Variants in CCDC93 observed in about 807,000 individuals in gnomAD.
CCDC93 encodes the protein coiled-coil domain-containing protein 93.
CCDC93 carries 61 observed loss-of-function variants against 108.2 expected under a neutral mutation model. That is an observed-to-expected ratio of 0.56 (90% CI 0.46 to 0.70). CCDC93 has a LOEUF of 0.70. Ranked by LOEUF, CCDC93 falls within the 30% of genes least tolerant of loss-of-function variation. The pLI, the probability that CCDC93 is intolerant of heterozygous loss-of-function variation, is 0.00. For synonymous variants in CCDC93, 276 were observed against 260.4 expected (o/e 1.06, Z -0.58); for missense variants, 685 against 764.2 (o/e 0.90, Z 1.22).
At chr2:117,985,543 G>C in intron 7 of CCDC93, 1 of 119,138 alleles carries the variant, frequency 8.4e-6, no homozygotes, top group South Asian at 4.2e-4. Context: ...TTTTAAACTA[G>C]AGATGTTTTT....
At chr2:118,013,059 A>G (rs1305681595) in intron 1 of CCDC93, 2 of 152,266 alleles carry the variant, frequency 1.3e-5, no homozygotes, top group Non-Finnish European at 2.9e-5. Context: ...TCCAGAATCC[A>G]GTAAACTAGA....
intron 13 of CCDC93, among the ~76,000 whole-genome samples, chr2:117,952,036 A>G (rs1264240993): frequency 6.6e-6 from 1 of 152,096 alleles, no homozygotes; most frequent in African/African-American, 2.4e-5. Context: ...TTTGAGGGGC[A>G]GGAGCTATTT....
chr2:117,945,237 C>G (rs1678829967), intron 17 of CCDC93, among the ~76,000 whole-genome samples: 1 of 152,328 alleles, frequency 6.6e-6, no homozygotes, highest in South Asian at 2.1e-4. Context: ...GCATATGCGG[C>G]CAACGCAGGC....
rs1408650647 is a variant in CCDC93, at chr2:117,919,535, G to A, written c.*808C>T. On this transcript the variant is annotated 3_prime_UTR_variant, in exon 24 of 24. Coordinates refer to ENST00000376300, the MANE Select transcript of CCDC93 (RefSeq NM_019044.5). ...TCTGCAGCGTAGCCTCATCAAATGTGCCTTCAATGAGGGGGATGCACAGCC... is the reference window on the plus strand; with the variant it reads ...TCTGCAGCGTAGCCTCATCAAATGTACCTTCAATGAGGGGGATGCACAGCC... 6.6e-6 allele frequency: 1 copy of A among 152,174 alleles called. No homozygotes were observed. The highest frequency in any genetic ancestry group is 2.4e-5 in the African/African-American group (1 of 41,440). The allele number at this position is 152,174 out of a possible 1,614,324, so 9.4% of individuals were successfully genotyped here. A position where few individuals can be genotyped will look rare whatever the true frequency, so the allele number is the denominator to read the frequency against.
chr2:117,938,677 G>C (rs1678600975), intron 20 of CCDC93, among the ~76,000 whole-genome samples: 1 of 151,800 alleles, frequency 6.6e-6, no homozygotes, highest in Non-Finnish European at 1.5e-5. Context: ...TTTTCTCCCT[G>C]TAAACTATAA....
intron 11 of CCDC93, among the ~76,000 whole-genome samples, chr2:117,962,985 C>T (rs1010878463): frequency 1.3e-5 from 2 of 152,090 alleles, no homozygotes; most frequent in African/African-American, 4.8e-5. Flanking sequence ...TACTTTGGGG[C>T]AAAAAACCCA....
At chr2:117,936,647 A>C in intron 21 of CCDC93, 55 bp downstream of exon 21, 2 of 1,386,222 alleles carry the variant, frequency 1.4e-6, no homozygotes, top group Non-Finnish European at 1.0e-6. Context: ...GGTGGGCTGA[A>C]TTCAAAGCGC....
intron 20 of CCDC93, 114 bp from the exon 21 acceptor site, chr2:117,936,853 C>A: frequency 2.5e-6 from 2 of 806,948 alleles, no homozygotes; most frequent in South Asian, 2.8e-5. Context: ...GGAACACATG[C>A]CTTGTTTATG....
intron 11 of CCDC93, among the ~76,000 whole-genome samples, chr2:117,973,331 C>T (rs1679826528): frequency 6.6e-6 from 1 of 151,768 alleles, no homozygotes; most frequent in African/African-American, 2.4e-5. Context: ...CACATCTCAG[C>T]CACACCAGAA....
intron 6 of CCDC93, among the ~76,000 whole-genome samples, chr2:117,986,333 G>C (rs887197616): frequency 1.3e-5 from 2 of 152,128 alleles, no homozygotes; most frequent in African/African-American, 4.8e-5. Flanking sequence ...CATGTAGTAA[G>C]TGATCAATAA....
At chr2:117,925,762 G>A (rs1220265818) in intron 23 of CCDC93, among the ~76,000 whole-genome samples, 6 of 152,146 alleles carry the variant, frequency 3.9e-5, no homozygotes, top group African/African-American at 1.2e-4. Flanking sequence ...TCTGCACCAA[G>A]CAGACCTAAT....
At chr2:117,943,718 T>A (rs1678777467) in intron 18 of CCDC93, among the ~76,000 whole-genome samples, 2 of 152,236 alleles carry the variant, frequency 1.3e-5, no homozygotes, top group Admixed American at 1.3e-4. Context: ...TCTCACAAAC[T>A]GCCGGTTATC....
chr2:117,963,779 T>C (rs1271962858), intron 11 of CCDC93, among the ~76,000 whole-genome samples: 2 of 152,222 alleles, frequency 1.3e-5, no homozygotes, highest in African/African-American at 4.8e-5. Context: ...TTGGTACAAC[T>C]CACTTTTCTG....
intron 22 of CCDC93, among the ~76,000 whole-genome samples, chr2:117,932,624 G>A (rs1285480476): frequency 6.6e-6 from 1 of 152,178 alleles, no homozygotes; most frequent in African/African-American, 2.4e-5. Flanking sequence ...CCTCCCTTGT[G>A]CCTAGGTCTC....
chr2:118,002,407 G>A (rs1416125944), intron 3 of CCDC93, among the ~76,000 whole-genome samples: 1 of 152,156 alleles, frequency 6.6e-6, no homozygotes, highest in East Asian at 1.9e-4. Flanking sequence ...GGTGACCTAG[G>A]AACTAAAGTT....
At chr2:117,946,630 AC>A (rs755384132) in intron 16 of CCDC93, among the ~76,000 whole-genome samples, 180 bp downstream of exon 16, 2 of 152,112 alleles carry the variant, frequency 1.3e-5, no homozygotes, top group Non-Finnish European at 2.9e-5. Context: ...GCTGCCTTCT[AC>A]TCCCAGAGGA....
intron 12 of CCDC93, among the ~76,000 whole-genome samples, chr2:117,957,666 A>G (rs1312729492): frequency 6.6e-6 from 1 of 152,108 alleles, no homozygotes; most frequent in Non-Finnish European, 1.5e-5. Context: ...CTGCCAACCA[A>G]CTGTCTTCAT....
intron 11 of CCDC93, among the ~76,000 whole-genome samples, chr2:117,965,742 C>T (rs1044685957): frequency 2.0e-5 from 3 of 152,090 alleles, no homozygotes; most frequent in African/African-American, 7.2e-5. Context: ...CCCTGACTCA[C>T]GCGTAACGCA....
At chr2:117,937,430 G>T (rs764866570) in intron 20 of CCDC93, among the ~76,000 whole-genome samples, 21 of 152,172 alleles carry the variant, frequency 1.4e-4, no homozygotes, top group Non-Finnish European at 2.8e-4. Context: ...TAGGTTCACA[G>T]TCAGCAATGT....
Sources: allele counts gnomAD v4.1 joint callset (sites outside exome capture counted in the v4.1 genomes callset), GRCh38; gene constraint gnomAD v4.1.1; transcripts MANE v1.5; gene names NCBI Gene and HGNC (gene_info 2026-07-23, HGNC 2026-07-21).